Variants in HS2ST1 observed in about 807,000 individuals in gnomAD.
HS2ST1 encodes heparan sulfate 2-O-sulfotransferase 1, also known as 2-O-sulfotransferase.
Under a neutral mutation model 42.9 loss-of-function variants are expected in HS2ST1, and 18 were observed. The ratio of observed to expected loss-of-function variants is 0.42; its 90% confidence interval spans 0.29 to 0.62. HS2ST1 has a LOEUF of 0.62. Ranked by LOEUF, HS2ST1 falls within the 20% of genes least tolerant of loss-of-function variation. The pLI is 0.21. For missense variants in HS2ST1, 334 were observed against 433.8 expected (o/e 0.77, Z 2.04); for synonymous variants, 146 against 152.9 (o/e 0.95, Z 0.33).
rs533534701 is a variant in HS2ST1, at chr1:86,994,786, C to T, written c.125-78148C>T. Among the ~76,000 whole-genome samples, 181 of 152,070 alleles carry T rather than the reference C, an allele frequency of 1.2e-3. 1 individual carries two copies. The highest frequency in any genetic ancestry group is 4.1e-3 in the African/African-American group (170 of 41,496). ...AACTAAAAAACATTTTTGCTTAACA[C>T]TCTTGATTTGTAGTACATCGACCAA... On this transcript the variant is annotated intron_variant, in intron 1 of 6. Coordinates refer to ENST00000370550, the MANE Select transcript of HS2ST1 (RefSeq NM_012262.4).
intron 1 of HS2ST1, among the ~76,000 whole-genome samples, chr1:86,961,167 T>G (rs1037240135): frequency 2.6e-5 from 4 of 151,702 alleles, no homozygotes; most frequent in African/African-American, 9.7e-5. Flanking sequence ...TACTTGGAGA[T>G]TGAGGTTACA....
At chr1:86,931,201 A>T (rs1231680978) in intron 1 of HS2ST1, among the ~76,000 whole-genome samples, 1 of 152,044 alleles carries the variant, frequency 6.6e-6, no homozygotes, top group East Asian at 1.9e-4. Context: ...ATTGTATTAT[A>T]CATTATTTCA....
chr1:86,987,555 A>G (rs1286328363), intron 1 of HS2ST1, among the ~76,000 whole-genome samples: 1 of 152,196 alleles, frequency 6.6e-6, no homozygotes, highest in African/African-American at 2.4e-5. Flanking sequence ...TGAAAGCCAC[A>G]GAGTCAGGTA....
At chr1:87,003,718 T>G (rs1649354478) in intron 1 of HS2ST1, among the ~76,000 whole-genome samples, 1 of 152,188 alleles carries the variant, frequency 6.6e-6, no homozygotes. Flanking sequence ...ACTTTTTTTT[T>G]TCTTGTCATT....
chr1:87,000,099 G>A (rs1307678115), intron 1 of HS2ST1, among the ~76,000 whole-genome samples: 1 of 58,422 alleles, frequency 1.7e-5, no homozygotes, highest in Admixed American at 2.7e-4. Flanking sequence ...AGCAAATCTT[G>A]ACTCATTAAA....
At chr1:87,042,595 A>T (rs925311193) in intron 1 of HS2ST1, among the ~76,000 whole-genome samples, 1 of 152,096 alleles carries the variant, frequency 6.6e-6, no homozygotes, top group African/African-American at 2.4e-5. Context: ...CACTGTGCTA[A>T]CTAGAGAGAG....
chr1:86,918,050 T>C (rs959815564), intron 1 of HS2ST1, among the ~76,000 whole-genome samples: 1 of 152,234 alleles, frequency 6.6e-6, no homozygotes, highest in Non-Finnish European at 1.5e-5. Context: ...ATCATTTTCA[T>C]TGTAGAAGAT....
chr1:86,938,771 T>C (rs970743090), intron 1 of HS2ST1, among the ~76,000 whole-genome samples: 2 of 152,200 alleles, frequency 1.3e-5, no homozygotes, highest in African/African-American at 4.8e-5. Flanking sequence ...AATAATAATG[T>C]GGGTAACTGA....
In HS2ST1 at chr1:86,976,591, A is replaced by G. The variant is rs183539633; in HGVS notation, c.124+61431A>G. 3.1e-3 allele frequency among the ~76,000 whole-genome samples: 468 copies of G among 151,598 alleles called. 1 individual carries two copies. The highest frequency in any genetic ancestry group is 0.011 in the African/African-American group (442 of 41,438). ...CTTAATTTAACACCACTTTTGACAA[A>G]TTCAATGAATAACATATTCAAATTA... is the stretch of plus-strand genomic sequence containing the variant. On this transcript the variant is annotated intron_variant, in intron 1 of 6. Coordinates refer to ENST00000370550, the MANE Select transcript of HS2ST1 (RefSeq NM_012262.4).
intron 1 of HS2ST1, among the ~76,000 whole-genome samples, chr1:87,067,714 G>T: frequency 6.6e-6 from 1 of 152,144 alleles, no homozygotes; most frequent in African/African-American, 2.4e-5. Context: ...CTTAGTTTAA[G>T]TCTCTAATCC....
At chr1:86,957,792 G>C (rs1011920124) in intron 1 of HS2ST1, among the ~76,000 whole-genome samples, 2 of 142,148 alleles carry the variant, frequency 1.4e-5, no homozygotes, top group African/African-American at 5.5e-5. Flanking sequence ...GGTTTTTTTA[G>C]ATTTTTTTTT....
Position 87,108,902 on chromosome 1 carries a change from AC to A in HS2ST1, c.*4207del, listed in dbSNP as rs1463613137. The A allele has an allele frequency of 6.6e-6, 1 of 152,378 alleles. No homozygotes were observed. Among genetic ancestry groups the A allele is most frequent in the East Asian group, 1.9e-4 (1 of 5,192 alleles). 9.4% of individuals were successfully genotyped at this position (152,378 alleles called of 1,614,324 possible). On this transcript the variant is annotated 3_prime_UTR_variant, in exon 7 of 7. Transcript: ENST00000370550. ...TCGGAAACATGGATTGTGTATTTTG[AC>A]TTTTATTTTATAAATACACAGCTCA...
In HS2ST1 at chr1:87,046,712, C is replaced by G. The variant is rs1001973366; in HGVS notation, c.125-26222C>G. 8 of 1,031,632 alleles carry G rather than the reference C, an allele frequency of 7.8e-6. No homozygotes were observed. The African/African-American group carries it at 3.2e-4, about 41-fold the overall frequency. 63.9% of individuals were successfully genotyped at this position (1,031,632 alleles called of 1,614,324 possible). On this transcript the variant is annotated intron_variant, in intron 1 of 6. Coordinates refer to ENST00000370550, the MANE Select transcript of HS2ST1 (RefSeq NM_012262.4). ...TCTAGATGTAAAAAGCTGTGCATGT[C>G]GATTTTATTTATTTTTGAGATGGAG...
intron 1 of HS2ST1, among the ~76,000 whole-genome samples, chr1:86,995,468 A>G (rs1211346041): frequency 2.6e-5 from 4 of 152,204 alleles, no homozygotes; most frequent in African/African-American, 9.6e-5. Flanking sequence ...CCTGGGCAAC[A>G]TAGAGGTGAC....
At chr1:86,936,953 A>AG (rs1444146667) in intron 1 of HS2ST1, among the ~76,000 whole-genome samples, 1 of 151,208 alleles carries the variant, frequency 6.6e-6, no homozygotes, top group African/African-American at 2.4e-5. Context: ...AAAAAAAAAA[A>AG]AATTAGCCGG....
intron 1 of HS2ST1, among the ~76,000 whole-genome samples, chr1:87,071,353 A>G (rs1651398915): frequency 6.6e-6 from 1 of 152,240 alleles, no homozygotes; most frequent in Non-Finnish European, 1.5e-5. Flanking sequence ...ATCATAGGGG[A>G]CACTAATAAC....
chr1:86,992,990 T>C, intron 1 of HS2ST1: 1 of 1,394,620 alleles, frequency 7.2e-7, no homozygotes, highest in East Asian at 2.5e-5. Context: ...CGTCTGTGTC[T>C]ATGTTCCTTT....
At chr1:87,022,799 C>T (rs1239479970) in intron 1 of HS2ST1, among the ~76,000 whole-genome samples, 2 of 152,226 alleles carry the variant, frequency 1.3e-5, no homozygotes, top group East Asian at 3.9e-4. Flanking sequence ...TCTTGTCCTC[C>T]AGGAACTCAA....
At chr1:87,024,960 G>A (rs1650047528) in intron 1 of HS2ST1, among the ~76,000 whole-genome samples, 1 of 152,182 alleles carries the variant, frequency 6.6e-6, no homozygotes, top group East Asian at 1.9e-4. Flanking sequence ...TAATTATTAA[G>A]AGATGATTTG....
Sources: allele counts gnomAD v4.1 joint callset (sites outside exome capture counted in the v4.1 genomes callset), GRCh38; gene constraint gnomAD v4.1.1; transcripts MANE v1.5; gene names NCBI Gene and HGNC (gene_info 2026-07-23, HGNC 2026-07-21).